The following NXNL2 variants were observed in gnomAD, a reference collection of about 807,000 sequenced individuals.
The protein encoded by NXNL2 is nucleoredoxin-like protein 2.
Under a neutral mutation model 11.1 loss-of-function variants are expected in NXNL2, and 7 were observed. That is an observed-to-expected ratio of 0.63 (90% CI 0.36 to 1.18). The LOEUF (loss-of-function observed/expected upper bound fraction) is 1.18, where lower values mean the gene tolerates loss of function less well. Among genes scored for constraint, NXNL2 ranks in the 50% most tolerant of loss-of-function variants. NXNL2 has a pLI of 0.02. For synonymous variants in NXNL2, 109 were observed against 101.8 expected (o/e 1.07, Z -0.42); for missense variants, 233 against 217.7 (o/e 1.07, Z -0.44).
chr9:88,577,623 AAGAGAG>A (rs5899044), downstream of NXNL2, among the ~76,000 whole-genome samples: 1 of 149,392 alleles, frequency 6.7e-6, no homozygotes, highest in Non-Finnish European at 1.5e-5. Flanking sequence ...TGGAGAGAGA[AAGAGAG>A]AGAGAGAGAG....
intron 1 of NXNL2, among the ~76,000 whole-genome samples, chr9:88,542,585 G>T (rs1399857486): frequency 6.6e-6 from 1 of 152,008 alleles, no homozygotes; most frequent in Non-Finnish European, 1.5e-5. Flanking sequence ...ACCCGCACCC[G>T]GCCCCAAAAA....
At chr9:88,571,624 G>A (rs1162657346) in intron 2 of NXNL2, among the ~76,000 whole-genome samples, 3 of 152,168 alleles carry the variant, frequency 2.0e-5, no homozygotes, top group Non-Finnish European at 4.4e-5. Context: ...TTCCACCGTT[G>A]CTATGGCAAG....
intron 1 of NXNL2, among the ~76,000 whole-genome samples, chr9:88,562,533 A>G (rs1425328422): frequency 6.6e-6 from 1 of 152,196 alleles, no homozygotes; most frequent in Non-Finnish European, 1.5e-5. Context: ...TGGGTGGATC[A>G]CTTGAGGTCA....
chr9:88,571,899 A>G (rs1278384582), intron 2 of NXNL2, among the ~76,000 whole-genome samples: 1 of 152,080 alleles, frequency 6.6e-6, no homozygotes, highest in African/African-American at 2.4e-5. Context: ...ATCTATTCAG[A>G]GAAACATTTT....
In NXNL2 at chr9:88,575,086, G is replaced by C. The variant is rs970707743; in HGVS notation, c.*17-1G>C. 13 of 968,926 alleles carry C rather than the reference G, an allele frequency of 1.3e-5. No homozygotes were observed. In the African/African-American group the frequency reaches 2.3e-4, roughly 17 times the overall value. The allele number at this position is 968,926 out of a possible 1,614,324, so 60.0% of individuals were successfully genotyped here. On this transcript the variant is annotated splice_acceptor_variant, in intron 2 of 2. Coordinates refer to the NXNL2 transcript ENST00000375855. LOFTEE classifies it low-confidence loss of function (3UTR_SPLICE). ...ACCCTCCCCTTCTTATTCCTTTGAA[G>C]CCATTGCTGTGAATTACGTGAGGGA... is the stretch of plus-strand genomic sequence containing the variant.
downstream of NXNL2, among the ~76,000 whole-genome samples, chr9:88,545,912 G>T (rs1444458375): frequency 1.3e-5 from 2 of 151,924 alleles, no homozygotes; most frequent in South Asian, 2.1e-4. Flanking sequence ...GATTACAGGC[G>T]CCCGCCACCA....
At chr9:88,541,934 A>C (rs1199653517) in intron 1 of NXNL2, among the ~76,000 whole-genome samples, 1 of 152,134 alleles carries the variant, frequency 6.6e-6, no homozygotes, top group Non-Finnish European at 1.5e-5. Flanking sequence ...TCATTCTTAA[A>C]AATGATTTCT....
At chr9:88,540,089 T>G (rs901330207) in intron 1 of NXNL2, among the ~76,000 whole-genome samples, 1 of 151,778 alleles carries the variant, frequency 6.6e-6, no homozygotes, top group Non-Finnish European at 1.5e-5. Flanking sequence ...TCCCAGCACT[T>G]TGGGAGGCCG....
chr9:88,540,212 G>A (rs968990269), intron 1 of NXNL2, among the ~76,000 whole-genome samples: 2 of 151,818 alleles, frequency 1.3e-5, no homozygotes, highest in Non-Finnish European at 2.9e-5. Flanking sequence ...GGCGCCTGTG[G>A]TCCCCGCTAC....
At position 88,540,117 on chromosome 9, in the gene NXNL2, A is replaced by G. The variant is rs576445675; in HGVS notation, c.303-4262A>G. Among the ~76,000 whole-genome samples the G allele has an allele frequency of 4.5e-4, 69 of 152,016 alleles. No individual in the cohort carries two copies. The Middle Eastern group carries it at 0.01, about 22-fold the overall frequency. On this transcript the variant is annotated intron_variant, in intron 1 of 1. Transcript: ENST00000375854. The stretch of plus-strand genomic sequence containing the variant: ...GGAGGCCGAGGCGGGTGGATCACAA[A>G]GTCAGGAGATCGAAACCATCCTGGC...
At chr9:88,571,193 G>C (rs541822686) in exon 2 of NXNL2, 1 of 292,672 alleles carries the variant, frequency 3.4e-6, no homozygotes, top group Non-Finnish European at 6.6e-6. Context: ...AGCCTCCTGA[G>C]CATCTGGGAC....
At chr9:88,559,194 C>T (rs188221199) in intron 1 of NXNL2, among the ~76,000 whole-genome samples, 2 of 152,284 alleles carry the variant, frequency 1.3e-5, no homozygotes, top group East Asian at 3.9e-4. Context: ...GGACAAGGAG[C>T]TTGGTGCCTT....
intron 1 of NXNL2, among the ~76,000 whole-genome samples, chr9:88,581,144 C>T (rs955521110): frequency 5.3e-5 from 8 of 152,252 alleles, no homozygotes; most frequent in Admixed American, 2.0e-4. Flanking sequence ...ATCTCCATAC[C>T]GGCCTTTTCA....
intron 1 of NXNL2, among the ~76,000 whole-genome samples, chr9:88,551,687 A>G (rs1478669814): frequency 6.6e-6 from 1 of 151,922 alleles, no homozygotes; most frequent in African/African-American, 2.4e-5. Context: ...TTATTTTGGG[A>G]GGGACTTAGC....
In NXNL2 at chr9:88,569,004, G is replaced by T. The variant is rs148517189; in HGVS notation, c.303-2083G>T. Among the ~76,000 whole-genome samples the T allele has an allele frequency of 2.6e-5, 4 of 152,112 alleles. No individual in the cohort carries two copies. In the East Asian group the frequency reaches 5.8e-4, roughly 22 times the overall value. On this transcript the variant is annotated intron_variant, in intron 1 of 2. Transcript: ENST00000375855. Reference sequence around the variant, plus strand: ...TACAGTGGCACAATCATGGCTCACTGCAGCCTCAACCTCTCAGGCTCAAGC... The same window carrying T: ...TACAGTGGCACAATCATGGCTCACTTCAGCCTCAACCTCTCAGGCTCAAGC...
At chr9:88,543,572 T>G (rs1000673631) in intron 1 of NXNL2, among the ~76,000 whole-genome samples, 1 of 152,166 alleles carries the variant, frequency 6.6e-6, no homozygotes, top group African/African-American at 2.4e-5. Flanking sequence ...GGCTGGAATT[T>G]TAACTTTTAC....
At chr9:88,571,947 A>AGTGT (rs1830272863) in intron 2 of NXNL2, among the ~76,000 whole-genome samples, 1 of 152,112 alleles carries the variant, frequency 6.6e-6, no homozygotes, top group Non-Finnish European at 1.5e-5. Flanking sequence ...GTGGCCACAC[A>AGTGT]GGGCCCATGT....
chr9:88,556,415 A>G (rs1830011741), intron 1 of NXNL2, among the ~76,000 whole-genome samples: 1 of 152,170 alleles, frequency 6.6e-6, no homozygotes. Flanking sequence ...ATTGAGTGAC[A>G]GAACAGTTTT....
intron 1 of NXNL2, among the ~76,000 whole-genome samples, chr9:88,561,193 G>T (rs936467315): frequency 6.6e-6 from 1 of 152,076 alleles, no homozygotes; most frequent in African/African-American, 2.4e-5. Context: ...TATAAAGCAG[G>T]CAGAAAAACG....
Sources: gnomAD v4.1 joint callset for allele counts (sites outside exome capture counted in the v4.1 genomes callset) on GRCh38, gnomAD v4.1.1 for gene constraint, MANE v1.5 for transcripts, NCBI Gene and HGNC (gene_info 2026-07-23, HGNC 2026-07-21) for gene names.